LRTM1: variants seen among roughly 807,000 people sequenced by gnomAD.
LRTM1 encodes the protein leucine rich repeat transmembrane protein 1, also known as leucine-rich repeat and transmembrane domain-containing protein 1.
LRTM1 carries 38 observed loss-of-function variants against 32.4 expected under a neutral mutation model. The ratio of observed to expected loss-of-function variants is 1.17; its 90% confidence interval spans 0.91 to 1.54. The LOEUF (loss-of-function observed/expected upper bound fraction) is 1.54. LRTM1 is among the 40% of genes most tolerant of loss of function. LRTM1 has a pLI of 0.00. For missense variants in LRTM1, 466 were observed against 415.4 expected (o/e 1.12, Z -1.06); for synonymous variants, 186 against 169.9 (o/e 1.09, Z -0.74).
chr3:54,935,756 G>T (rs983730156), intron 1 of LRTM1, among the ~76,000 whole-genome samples: 13 of 152,252 alleles, frequency 8.5e-5, no homozygotes, highest in African/African-American at 2.9e-4. Flanking sequence ...TTAAATTATA[G>T]CTTACTGTAT....
chr3:54,945,949 C>T (rs1343251423), intron 1 of LRTM1, among the ~76,000 whole-genome samples: 5 of 152,190 alleles, frequency 3.3e-5, no homozygotes, highest in South Asian at 2.1e-4. Context: ...ACCTCTATCC[C>T]GGCTCCTGCT....
At chr3:54,957,031 A>G (rs1362560907) in intron 1 of LRTM1, among the ~76,000 whole-genome samples, 1 of 152,216 alleles carries the variant, frequency 6.6e-6, no homozygotes, top group African/African-American at 2.4e-5. Context: ...AGGATTAGCA[A>G]TAAAGTTTTT....
At chr3:54,953,429 T>G (rs911314629) in intron 1 of LRTM1, among the ~76,000 whole-genome samples, 1 of 152,056 alleles carries the variant, frequency 6.6e-6, no homozygotes, top group Non-Finnish European at 1.5e-5. Context: ...CTCATGAAAT[T>G]CCCCACCCTC....
At position 54,918,645 on chromosome 3, in the gene LRTM1, A is replaced by G. The variant is rs1700737421; in HGVS notation, c.852T>C (p.His284=). The G allele has an allele frequency of 3.7e-6, 6 of 1,614,092 alleles. No homozygotes were observed. The highest frequency in any genetic ancestry group is 1.7e-6 in the Non-Finnish European group (2 of 1,180,042). ...CAGTGATGATGACAGTGGCAATGGC[A>G]TGACGCAGGTTGGCCGGCCTTGGCT... ...KPKPRPANLR[H]AIATVIITGV... Residue 284 remains histidine (H), a synonymous_variant, in exon 3 of 3, where the codon CAT becomes CAC. Coordinates refer to ENST00000273286, the MANE Select transcript of LRTM1 (RefSeq NM_020678.4).
chr3:54,949,791 G>A (rs1263760443), intron 1 of LRTM1, among the ~76,000 whole-genome samples: 1 of 119,260 alleles, frequency 8.4e-6, no homozygotes, highest in Non-Finnish European at 1.8e-5. Flanking sequence ...TTAGGCTCCT[G>A]GATGGAAGAC....
chr3:54,919,421 G>C (rs1348671822), intron 2 of LRTM1, among the ~76,000 whole-genome samples: 1 of 152,246 alleles, frequency 6.6e-6, no homozygotes, highest in Non-Finnish European at 1.5e-5. Flanking sequence ...GTCTTGGAGT[G>C]ATCTGTGGAT....
chr3:54,918,774 G>C lies in LRTM1; in HGVS notation c.723C>G (p.Ser241=). ...CAGAGCCGGGCCACTGAGCCTGCGA[G>C]GACACTGGATCAGGAGCAGGAAGAG... ...PCPLPAPDPV[S]SQAQWPGSAH... is the part of the protein sequence containing the mutation. Residue 241 remains serine, a synonymous_variant, in exon 3 of 3, where the codon TCC becomes TCG. Coordinates refer to ENST00000273286, the MANE Select transcript of LRTM1 (RefSeq NM_020678.4). 6.2e-7 allele frequency: 1 copy of C among 1,614,136 alleles called. No homozygotes were observed. The highest frequency in any genetic ancestry group is 8.5e-7 in the Non-Finnish European group (1 of 1,180,014).
chr3:54,930,997 G>GA (rs138644305), upstream of LRTM1, among the ~76,000 whole-genome samples: 5,549 of 152,302 alleles, frequency 0.036, 301 homozygotes, highest in African/African-American at 0.12. Flanking sequence ...TCAGGAGGCT[G>GA]AGGCAGGAGA....
At chr3:54,953,294 G>A (rs564806458) in intron 1 of LRTM1, among the ~76,000 whole-genome samples, 1 of 152,278 alleles carries the variant, frequency 6.6e-6, no homozygotes, top group South Asian at 2.1e-4. Context: ...AAACAGGCAG[G>A]ACTCAGCCCT....
upstream of LRTM1, among the ~76,000 whole-genome samples, chr3:54,931,559 A>G (rs1701193004): frequency 6.6e-6 from 1 of 152,084 alleles, no homozygotes; most frequent in Admixed American, 6.5e-5. Context: ...GGCCAGAGCC[A>G]CTCCTTAAAG....
chr3:54,958,436 C>T (rs925789230), intron 1 of LRTM1, among the ~76,000 whole-genome samples: 3 of 152,146 alleles, frequency 2.0e-5, no homozygotes, highest in African/African-American at 7.2e-5. Flanking sequence ...AGTTTATTCC[C>T]TACAGCAGTA....
At chr3:54,946,942 T>G (rs1701630980) in intron 1 of LRTM1, among the ~76,000 whole-genome samples, 1 of 152,166 alleles carries the variant, frequency 6.6e-6, no homozygotes, top group Non-Finnish European at 1.5e-5. Context: ...AGTTAAGCAT[T>G]GTGAAAAATT....
chr3:54,948,501 T>C (rs566653305), intron 1 of LRTM1, among the ~76,000 whole-genome samples: 2 of 152,314 alleles, frequency 1.3e-5, no homozygotes, highest in South Asian at 4.1e-4. Context: ...TGGGCAAAGG[T>C]AGCATCTTCC....
chr3:54,941,865 C>T (rs983938127), intron 1 of LRTM1, among the ~76,000 whole-genome samples: 3 of 152,180 alleles, frequency 2.0e-5, no homozygotes, highest in Non-Finnish European at 4.4e-5. Flanking sequence ...AGTTCTGCAG[C>T]TCTGTTTGCA....
chr3:54,928,106 G>GTC, upstream of LRTM1: 1 of 571,720 alleles, frequency 1.7e-6, no homozygotes, highest in Admixed American at 3.0e-5. Flanking sequence ...CCTTCCCCTT[G>GTC]TCTCCATCTG....
chr3:54,956,902 CCTTTGCTGTATAGGTTGAAAACA>C (rs1450076803), intron 1 of LRTM1, among the ~76,000 whole-genome samples: 2 of 151,910 alleles, frequency 1.3e-5, no homozygotes, highest in African/African-American at 4.8e-5. Context: ...AACCTCTTTG[CCTTTGCTGTATAGGTTGAAAACA>C]GGGGTGAAGG....
intron 2 of LRTM1, among the ~76,000 whole-genome samples, chr3:54,923,755 G>C (rs1303444342): frequency 6.6e-6 from 1 of 152,164 alleles, no homozygotes; most frequent in Non-Finnish European, 1.5e-5. Context: ...CATGCCTTCT[G>C]TTCTCACCTG....
At chr3:54,939,466 A>AT (rs1265880474) in intron 1 of LRTM1, among the ~76,000 whole-genome samples, 1 of 152,202 alleles carries the variant, frequency 6.6e-6, no homozygotes, top group Non-Finnish European at 1.5e-5. Context: ...GGGCCAAGAC[A>AT]TTCACCTTTG....
chr3:54,924,452 A>G (rs1700950998), intron 2 of LRTM1, among the ~76,000 whole-genome samples, 167 bp downstream of exon 2: 1 of 152,176 alleles, frequency 6.6e-6, no homozygotes. Context: ...AACACCTTCT[A>G]ATGACTCACT....
Sources: allele counts gnomAD v4.1 joint callset (sites outside exome capture counted in the v4.1 genomes callset), GRCh38; gene constraint gnomAD v4.1.1; transcripts MANE v1.5; gene names NCBI Gene and HGNC (gene_info 2026-07-23, HGNC 2026-07-21).